Variants in EXD3 observed in about 807,000 individuals in gnomAD.
EXD3 encodes the protein exonuclease 3'-5' domain containing 3.
EXD3 carries 92 observed loss-of-function variants against 98.0 expected under a neutral mutation model. That is an observed-to-expected ratio of 0.94 (90% CI 0.79 to 1.12). EXD3 has a LOEUF of 1.12. Among genes scored for constraint, EXD3 ranks in the 50% most tolerant of loss-of-function variants. EXD3 has a pLI of 0.00. For synonymous variants in EXD3, 569 were observed against 526.0 expected, an observed-to-expected ratio of 1.08 and a Z score of -1.12; for missense variants, 1,222 against 1,191.6, an observed-to-expected ratio of 1.03 and a Z score of -0.38.
At chr9:137,366,419 C>G (rs1386563850) in intron 7 of EXD3, 74 bp downstream of exon 7, 2 of 1,525,092 alleles carry the variant, frequency 1.3e-6, no homozygotes, top group East Asian at 2.5e-5. Context: ...CTGCTGCCCC[C>G]CTACACTCCC....
chr9:137,374,408 G>T, intron 3 of EXD3: 1 of 313,440 alleles, frequency 3.2e-6, no homozygotes, highest in Non-Finnish European at 4.6e-6. Context: ...GAGGCTGCAA[G>T]CCGAGAGCGT....
At chr9:137,332,603 G>A (rs1833132574) in intron 17 of EXD3, among the ~76,000 whole-genome samples, 1 of 151,870 alleles carries the variant, frequency 6.6e-6, no homozygotes, top group Non-Finnish European at 1.5e-5. Context: ...CAGCACTTTG[G>A]GAGGCCAAGG....
At chr9:137,391,927 T>G (rs1033143042) in intron 2 of EXD3, 12 of 152,234 alleles carry the variant, frequency 7.9e-5, no homozygotes, top group African/African-American at 2.9e-4. Flanking sequence ...GCAGTTCTAC[T>G]GCCTCCAAGC....
In EXD3 at chr9:137,324,059, G is replaced by T; in HGVS notation, c.2052+31C>A. On this transcript the variant is annotated intron_variant, in intron 18 of 21. Transcript: ENST00000340951. This position sits in a 1 kb window ranked among gnomAD's most constrained non-coding sequence, Gnocchi z 4.1. Reference sequence around the variant, plus strand: ...TGGGGGCTTGGGAAGATGGGGCTCAGGCCCACTGAGCTTATCTTTGGGACA... The same window carrying T: ...TGGGGGCTTGGGAAGATGGGGCTCATGCCCACTGAGCTTATCTTTGGGACA... 1.3e-6 allele frequency: 2 copies of T among 1,570,740 alleles called. No homozygotes were observed. The highest frequency in any genetic ancestry group is 1.7e-6 in the Non-Finnish European group (2 of 1,158,160).
rs1837787111 is a variant in EXD3 at position 137,407,544 on chromosome 9, G to C, written c.-47-12140C>G. ...CCAGCGTCCCCGCCCCCATCTCCCGGGATCCCTTGGCTAAGGGAGGGTGAC... is the reference window on the plus strand; with the variant it reads ...CCAGCGTCCCCGCCCCCATCTCCCGCGATCCCTTGGCTAAGGGAGGGTGAC... On this transcript the variant is annotated intron_variant, in intron 1 of 21. Coordinates refer to ENST00000340951, the MANE Select transcript of EXD3 (RefSeq NM_017820.5). This position sits in a 1 kb window ranked among gnomAD's most constrained non-coding sequence, Gnocchi z 4.4. Among the ~76,000 whole-genome samples the C allele has an allele frequency of 6.6e-6, 1 of 152,148 alleles. No individual in the cohort carries two copies. Among genetic ancestry groups the C allele is most frequent in the Admixed American group, 6.5e-5 (1 of 15,272 alleles).
At chr9:137,404,375 C>T (rs1837619680) in intron 1 of EXD3, among the ~76,000 whole-genome samples, 2 of 152,204 alleles carry the variant, frequency 1.3e-5, no homozygotes, top group African/African-American at 2.4e-5. Context: ...ATGAAAGAGG[C>T]GTGCCCATCT....
intron 2 of EXD3, among the ~76,000 whole-genome samples, chr9:137,384,908 G>A (rs11507686): frequency 0.014 from 2,057 of 152,110 alleles, 41 homozygotes; most frequent in African/African-American, 0.047. Context: ...CCTGGCCAAC[G>A]TGGTGAGACA....
intron 7 of EXD3, among the ~76,000 whole-genome samples, chr9:137,361,844 G>A (rs907407564): frequency 1.3e-5 from 2 of 151,198 alleles, no homozygotes; most frequent in African/African-American, 4.9e-5. Flanking sequence ...ATAGATCATA[G>A]AATTACTGCA....
chr9:137,419,795 A>G (rs1158883436), intron 1 of EXD3, among the ~76,000 whole-genome samples: 2 of 152,148 alleles, frequency 1.3e-5, no homozygotes, highest in Non-Finnish European at 2.9e-5. Context: ...ACACCAGTAG[A>G]CCAGATAAAA....
At position 137,382,019 on chromosome 9, in the gene EXD3, G is replaced by A. The variant is rs560001511; in HGVS notation, c.120+1294C>T. The stretch of plus-strand genomic sequence containing the variant: ...GGACGCGGGGAGGAGGTGAGGACGC[G>A]GGGAGGAGGTGAGGGCGCGGGGAGG... On this transcript the variant is annotated intron_variant, in intron 3 of 21. Coordinates refer to ENST00000340951, the MANE Select transcript of EXD3 (RefSeq NM_017820.5). 2.7e-5 allele frequency among the ~76,000 whole-genome samples: 4 copies of A among 147,490 alleles called. No individual in the cohort carries two copies. The East Asian group carries it at 6.0e-4, about 22-fold the overall frequency.
rs1837761618 is a variant in EXD3 at position 137,407,209 on chromosome 9, T to C, written c.-47-11805A>G. The stretch of plus-strand genomic sequence containing the variant: ...CAGCGCCTCCTCCGTCTCAGCCGCG[T>C]CGGTCCCAGGCGCCTCCCCTACCCG... On this transcript the variant is annotated intron_variant, in intron 1 of 21. Transcript: ENST00000340951. The surrounding 1 kb of genome is among the most constrained non-coding windows in gnomAD (Gnocchi z 4.4). Among the ~76,000 whole-genome samples, 1 of 152,082 alleles carries C rather than the reference T, an allele frequency of 6.6e-6. No individual in the cohort carries two copies. Among genetic ancestry groups the C allele is most frequent in the Non-Finnish European group, 1.5e-5 (1 of 67,972 alleles).
chr9:137,332,822 C>T (rs967792499), intron 17 of EXD3, among the ~76,000 whole-genome samples: 8 of 152,170 alleles, frequency 5.3e-5, no homozygotes, highest in East Asian at 3.9e-4. Flanking sequence ...TCCAGCCTGG[C>T]GACAGACTGA....
rs964191017 is a variant in EXD3, at chr9:137,352,519, C to T, written c.1037+101G>A. 9 of 1,200,036 alleles carry T rather than the reference C, an allele frequency of 7.5e-6. No homozygotes were observed. The African/African-American group carries it at 1.4e-4, about 18-fold the overall frequency. The allele number at this position is 1,200,036 out of a possible 1,614,324, so 74.3% of individuals were successfully genotyped here. ...CTTTGTTTTGTCTTGATTTCTAATTCTCAAGCCACTGGCGTGAAGACTGGT... is the reference window on the plus strand; with the variant it reads ...CTTTGTTTTGTCTTGATTTCTAATTTTCAAGCCACTGGCGTGAAGACTGGT... On this transcript the variant is annotated intron_variant, in intron 11 of 21. Coordinates refer to ENST00000340951, the MANE Select transcript of EXD3 (RefSeq NM_017820.5).
At chr9:137,353,521 A>G (rs11531965) in intron 10 of EXD3, 281,228 of 986,136 alleles carry the variant, frequency 0.29, 41,495 homozygotes, top group East Asian at 0.32. Flanking sequence ...GAGCAGACAG[A>G]GGGGTGCCCT....
chr9:137,348,309 C>A, intron 16 of EXD3, 71 bp from the exon 17 acceptor site: 1 of 1,485,824 alleles, frequency 6.7e-7, no homozygotes, highest in Non-Finnish European at 9.1e-7. Flanking sequence ...GAGCCAGGGC[C>A]CTGAGGCTGT....
At chr9:137,355,150 T>C (rs576942022) in intron 8 of EXD3, among the ~76,000 whole-genome samples, 143 of 152,258 alleles carry the variant, frequency 9.4e-4, no homozygotes, top group Non-Finnish European at 1.8e-3. Flanking sequence ...GTGGGTCCCG[T>C]GACTGAAGCC....
intron 3 of EXD3, among the ~76,000 whole-genome samples, chr9:137,376,606 C>T (rs77013416): frequency 1.2e-4 from 19 of 152,018 alleles, no homozygotes; most frequent in Admixed American, 5.2e-4. Flanking sequence ...GAGACCCCCC[C>T]ACCTGCTCGC....
chr9:137,363,012 T>C (rs777808591), intron 7 of EXD3, among the ~76,000 whole-genome samples: 214 of 152,218 alleles, frequency 1.4e-3, no homozygotes, highest in Non-Finnish European at 2.5e-3. Context: ...GGTTTCACCA[T>C]GTTGGCCAGG....
intron 5 of EXD3, among the ~76,000 whole-genome samples, chr9:137,372,380 C>T (rs978543552): frequency 1.3e-5 from 2 of 152,204 alleles, no homozygotes; most frequent in African/African-American, 4.8e-5. Flanking sequence ...GGAGGCGGGG[C>T]CGGCACCAGC....
Sources: allele counts gnomAD v4.1 joint callset (sites outside exome capture counted in the v4.1 genomes callset), GRCh38; gene constraint gnomAD v4.1.1; non-coding constraint Gnocchi (gnomAD v3.1); transcripts MANE v1.5; gene names NCBI Gene and HGNC (gene_info 2026-07-23, HGNC 2026-07-21).